MCM6: variants seen among roughly 807,000 people sequenced by gnomAD.
MCM6 encodes minichromosome maintenance complex component 6.
A neutral mutation model predicts 94.3 loss-of-function variants in MCM6; 46 were observed. That is an observed-to-expected ratio of 0.49 (90% CI 0.39 to 0.62). The LOEUF (loss-of-function observed/expected upper bound fraction) is 0.62. MCM6 is among the 20% of genes least tolerant of loss of function. The probability of loss-of-function intolerance (pLI) is 0.00; values close to 1 mark genes in which losing one functional copy is unlikely to be tolerated. For synonymous variants in MCM6, 335 were observed against 351.9 expected (o/e 0.95, Z 0.54); for missense variants, 865 against 1,017.9 (o/e 0.85, Z 2.04).
At chr2:135,841,234 A>C (rs1464439561) in intron 16 of MCM6, among the ~76,000 whole-genome samples, 3 of 152,192 alleles carry the variant, frequency 2.0e-5, no homozygotes, top group Admixed American at 2.0e-4. Context: ...AACTTCAAAA[A>C]AGGAAGTAAT....
chr2:135,844,679 C>T lies in MCM6; in HGVS notation c.2215G>A (p.Asp739Asn), dbSNP rs150582728. Residue 739 changes from aspartate to asparagine, a missense_variant, in exon 16 of 17, where the codon GAC (aspartate) becomes AAC (asparagine). Around this residue, in one of 3 missense-constraint regions of MCM6, gnomAD observed 308 missense variants for 324.5 expected, o/e 0.95. Coordinates refer to ENST00000264156, the MANE Select transcript of MCM6 (RefSeq NM_005915.6). ...TCGCTCCTCTTTAATGCTGACTCGT[C>T]CTCTTCTGCAACAAAAAAACACATT... Reference protein sequence around the residue: ...LHLRKVEEEEDESALKRSELV... With the variant: ...LHLRKVEEEENESALKRSELV... 8.3e-5 allele frequency: 129 copies of T among 1,554,632 alleles called. No homozygotes were observed. Among genetic ancestry groups the T allele is most frequent in the Non-Finnish European group, 1.1e-4 (122 of 1,156,988 alleles).
At chr2:135,841,018 C>T in intron 16 of MCM6, 67 bp from the exon 17 acceptor site, 1 of 1,100,412 alleles carries the variant, frequency 9.1e-7, no homozygotes, top group Non-Finnish European at 1.4e-6. Context: ...ATATACAAGA[C>T]TTGACCCTTC....
chr2:135,867,110 C>T (rs1680106068), intron 4 of MCM6, among the ~76,000 whole-genome samples: 1 of 151,860 alleles, frequency 6.6e-6, no homozygotes, highest in African/African-American at 2.4e-5. Context: ...CCTTTTATAC[C>T]CTCCACTTCA....
At chr2:135,864,455 A>G (rs1004775484) in intron 7 of MCM6, among the ~76,000 whole-genome samples, 1 of 151,914 alleles carries the variant, frequency 6.6e-6, no homozygotes, top group Non-Finnish European at 1.5e-5. Flanking sequence ...ACATAGCAAA[A>G]CCCCGTCTCT....
At chr2:135,867,308 T>A (rs1680109332) in intron 4 of MCM6, among the ~76,000 whole-genome samples, 2 of 152,104 alleles carry the variant, frequency 1.3e-5, no homozygotes, top group African/African-American at 4.8e-5. Context: ...AAATTACATA[T>A]CTTCTATTAT....
chr2:135,858,706 T>C (rs1336590161), intron 9 of MCM6, among the ~76,000 whole-genome samples: 1 of 152,206 alleles, frequency 6.6e-6, no homozygotes, highest in Non-Finnish European at 1.5e-5. Context: ...CTTACTGTAC[T>C]TGTACTCAAC....
At chr2:135,840,987 C>G (rs940354510) in intron 16 of MCM6, 36 bp from the exon 17 acceptor site, 1 of 1,433,390 alleles carries the variant, frequency 7.0e-7, no homozygotes, top group African/African-American at 1.4e-5. Flanking sequence ...AGGTTTCAAG[C>G]AGTATTATAC....
chr2:135,876,223 G>C, intron 1 of MCM6, 36 bp downstream of exon 1: 1 of 1,526,064 alleles, frequency 6.6e-7, no homozygotes, highest in East Asian at 2.5e-5. Flanking sequence ...CGCAGGCTCC[G>C]GAGGCGGGCG....
intron 11 of MCM6, among the ~76,000 whole-genome samples, 188 bp downstream of exon 11, chr2:135,856,540 G>A (rs1487612364): frequency 6.6e-6 from 1 of 152,220 alleles, no homozygotes; most frequent in Non-Finnish European, 1.5e-5. Flanking sequence ...ACACAATTAA[G>A]TGGAAGAGGC....
chr2:135,862,851 G>T, intron 7 of MCM6, 103 bp from the exon 8 acceptor site: 1 of 1,227,476 alleles, frequency 8.1e-7, no homozygotes, highest in Non-Finnish European at 1.2e-6. Context: ...GAAAGGCAGA[G>T]TCAGCTAAAG....
Position 135,850,758 on chromosome 2 carries a change from C to A in MCM6, c.1917+644G>T, listed in dbSNP as rs922141151. ...TTTTGGATCTTGAGCTGGGTATTCA[C>A]AAGGATGTATGTGAAAAAACTCACC... On this transcript the variant is annotated intron_variant, in intron 13 of 16. Transcript: ENST00000264156. Among the ~76,000 whole-genome samples, 18 of 152,228 alleles carry A rather than the reference C, an allele frequency of 1.2e-4. No homozygotes were observed. The East Asian group carries it at 3.3e-3, about 28-fold the overall frequency.
At chr2:135,859,246 G>C (rs971162084) in intron 9 of MCM6, 55 bp downstream of exon 9, 1 of 1,433,560 alleles carries the variant, frequency 7.0e-7, no homozygotes, top group Non-Finnish European at 9.6e-7. Flanking sequence ...GGCCTTTACT[G>C]ATAGGGTAGG....
intron 1 of MCM6, among the ~76,000 whole-genome samples, chr2:135,874,198 T>C (rs1311300901): frequency 1.3e-5 from 2 of 152,214 alleles, no homozygotes; most frequent in African/African-American, 4.8e-5. Flanking sequence ...GAAACGTTTA[T>C]TGAAAAACCT....
intron 8 of MCM6, 98 bp from the exon 9 acceptor site, chr2:135,859,540 T>C: frequency 1.3e-6 from 1 of 781,566 alleles, no homozygotes; most frequent in Admixed American, 3.0e-5. Flanking sequence ...GAAAGAACAT[T>C]TGAGAGCTTA....
chr2:135,854,100 A>G (rs1240376735), intron 11 of MCM6, among the ~76,000 whole-genome samples: 1 of 152,094 alleles, frequency 6.6e-6, no homozygotes, highest in Non-Finnish European at 1.5e-5. Flanking sequence ...GGGGGCCTGC[A>G]CCTGTAGTTC....
intron 1 of MCM6, among the ~76,000 whole-genome samples, chr2:135,875,144 T>A (rs1188864048): frequency 6.6e-6 from 1 of 152,076 alleles, no homozygotes; most frequent in African/African-American, 2.4e-5. Context: ...GGCGGGGGGA[T>A]CACCTGAGGT....
chr2:135,849,826 T>C (rs1679740160), intron 13 of MCM6, among the ~76,000 whole-genome samples: 1 of 152,196 alleles, frequency 6.6e-6, no homozygotes, highest in Admixed American at 6.5e-5. Flanking sequence ...GGGAGAATTT[T>C]TTATAATCTT....
Position 135,840,980 on chromosome 2 carries a change from T to C in MCM6, c.2350-29A>G, listed in dbSNP as rs141917101. On this transcript the variant is annotated intron_variant, in intron 16 of 16. Transcript: ENST00000264156. ...TGAAACACAAATATTTGTCCTCAGG[T>C]TTCAAGCAGTATTATACCAATGTCC... is the stretch of plus-strand genomic sequence containing the variant. The C allele has an allele frequency of 2.9e-3, 4,376 of 1,509,738 alleles. 39 individuals carry two copies. The highest frequency in any genetic ancestry group is 0.017 in the South Asian group (1,480 of 88,864). The allele number at this position is 1,509,738 out of a possible 1,614,324, so 93.5% of individuals were successfully genotyped here.
intron 2 of MCM6, 141 bp downstream of exon 2, chr2:135,872,556 G>GT: frequency 1.2e-6 from 1 of 811,220 alleles, no homozygotes; most frequent in Non-Finnish European, 2.0e-6. Context: ...ACCACTGGCA[G>GT]TATCAAAGCG....
Sources: gnomAD v4.1 joint callset for allele counts (sites outside exome capture counted in the v4.1 genomes callset) on GRCh38, gnomAD v4.1.1 for gene constraint, gnomAD v4.1.1 regional missense constraint, MANE v1.5 for transcripts, NCBI Gene and HGNC (gene_info 2026-07-23, HGNC 2026-07-21) for gene names.